RNF220: variants seen among roughly 807,000 people sequenced by gnomAD.
RNF220 encodes ring finger protein 220, also known as E3 ubiquitin-protein ligase RNF220.
In RNF220, 7 loss-of-function variants were observed where a neutral mutation model predicts 67.1. The observed-to-expected ratio is 0.10, with a 90% CI of 0.06 to 0.20. The LOEUF is 0.20. Among genes scored for constraint, RNF220 ranks in the 10% least tolerant of loss-of-function variants. The pLI, the probability that RNF220 is intolerant of heterozygous loss-of-function variation, is 1.00. For synonymous variants in RNF220, 270 were observed against 283.2 expected (o/e 0.95, Z 0.47); for missense variants, 565 against 740.3 (o/e 0.76, Z 2.75).
At position 44,632,400 on chromosome 1, in the gene RNF220, G is replaced by GCCCCAGCCCCC. The variant is rs772095904; in HGVS notation, c.949+19_949+20insAGCCCCCCCCC. 5 of 1,607,444 alleles carry GCCCCAGCCCCC rather than the reference G, an allele frequency of 3.1e-6. No individual in the cohort carries two copies. Among genetic ancestry groups the GCCCCAGCCCCC allele is most frequent in the East Asian group, 2.2e-5 (1 of 44,634 alleles). On this transcript the variant is annotated intron_variant, in intron 6 of 14. Coordinates refer to ENST00000361799, the MANE Select transcript of RNF220 (RefSeq NM_018150.4). ...CCGACTGAATGGTGAGTCCTGCCCG[G>GCCCCAGCCCCC]CCCCTCCCTCCGCCCCACCCCCGGC...
At chr1:44,522,126 G>A (rs1659988838) in intron 2 of RNF220, among the ~76,000 whole-genome samples, 1 of 152,010 alleles carries the variant, frequency 6.6e-6, no homozygotes, top group African/African-American at 2.4e-5. Flanking sequence ...TTCTTTCCTG[G>A]GTGCCACACT....
intron 2 of RNF220, among the ~76,000 whole-genome samples, chr1:44,459,361 C>T (rs911970583): frequency 2.0e-5 from 3 of 151,976 alleles, no homozygotes; most frequent in Non-Finnish European, 4.4e-5. Context: ...ACTGAGCCTA[C>T]ATCTCATGAT....
At chr1:44,413,174 T>C (rs2147808356) in intron 2 of RNF220, among the ~76,000 whole-genome samples, 1 of 152,338 alleles carries the variant, frequency 6.6e-6, no homozygotes, top group African/African-American at 2.4e-5. Flanking sequence ...TCCAGCAGAC[T>C]CCACGTGATT....
intron 1 of RNF220, among the ~76,000 whole-genome samples, chr1:44,406,138 G>A (rs1344624610): frequency 6.6e-6 from 1 of 152,204 alleles, no homozygotes; most frequent in Non-Finnish European, 1.5e-5. Flanking sequence ...CACACAGCCG[G>A]CTCCGCGGGA....
intron 2 of RNF220, among the ~76,000 whole-genome samples, chr1:44,588,808 G>C (rs1183604042): frequency 6.6e-6 from 1 of 152,158 alleles, no homozygotes; most frequent in East Asian, 1.9e-4. Context: ...CCTACCTGGG[G>C]TTCAGGTCAT....
At chr1:44,605,438 G>A (rs1200247216) in intron 2 of RNF220, among the ~76,000 whole-genome samples, 1 of 152,202 alleles carries the variant, frequency 6.6e-6, no homozygotes, top group Admixed American at 6.5e-5. Flanking sequence ...GATTTAGCGA[G>A]GTCAGTGATT....
At chr1:44,451,380 T>C (rs769568025) in intron 2 of RNF220, among the ~76,000 whole-genome samples, 6 of 152,162 alleles carry the variant, frequency 3.9e-5, no homozygotes, top group Non-Finnish European at 5.9e-5. Flanking sequence ...CTAATGAAAT[T>C]GAGCATGCTT....
At chr1:44,587,643 C>T (rs539963419) in intron 2 of RNF220, among the ~76,000 whole-genome samples, 3 of 152,272 alleles carry the variant, frequency 2.0e-5, no homozygotes, top group Non-Finnish European at 2.9e-5. Context: ...GTATTAGTTT[C>T]CCTGGCCAAC....
In RNF220 at chr1:44,519,078, G is replaced by T. The variant is rs140747623; in HGVS notation, c.626-95087G>T. Among the ~76,000 whole-genome samples the T allele has an allele frequency of 1.7e-3, 254 of 148,102 alleles. 2 individuals are homozygous for T. The highest frequency in any genetic ancestry group is 6.0e-3 in the African/African-American group (245 of 40,798). ...ATGGGCAGAGGCACCATTCACTGAG[G>T]TAGATGAGGGAGAGGAAGAGCAGAT... is the stretch of plus-strand genomic sequence containing the variant. On this transcript the variant is annotated intron_variant, in intron 2 of 14. Transcript: ENST00000361799.
At chr1:44,636,308 G>A in intron 8 of RNF220, 146 bp downstream of exon 8, 1 of 1,017,466 alleles carries the variant, frequency 9.8e-7, no homozygotes, top group Non-Finnish European at 1.5e-6. Context: ...GGGCTCCTTT[G>A]TGACCGTGCT....
At chr1:44,413,994 G>T (rs181240076) in intron 2 of RNF220, among the ~76,000 whole-genome samples, 2 of 152,164 alleles carry the variant, frequency 1.3e-5, no homozygotes, top group Non-Finnish European at 2.9e-5. Flanking sequence ...TAAATCCATC[G>T]CTCTTTGGTT....
intron 2 of RNF220, among the ~76,000 whole-genome samples, chr1:44,463,405 TTA>T (rs1166354178): frequency 6.6e-6 from 1 of 152,110 alleles, no homozygotes; most frequent in Admixed American, 6.5e-5. Context: ...TAATTTAAAA[TTA>T]TGTCATTGGA....
intron 2 of RNF220, among the ~76,000 whole-genome samples, chr1:44,607,974 A>G (rs1573027240): frequency 6.8e-6 from 1 of 147,724 alleles, no homozygotes; most frequent in African/African-American, 2.5e-5. Context: ...GCCAGGCTGG[A>G]GTGCAGTGGT....
intron 2 of RNF220, among the ~76,000 whole-genome samples, chr1:44,504,169 T>G (rs992486626): frequency 6.6e-6 from 1 of 152,176 alleles, no homozygotes; most frequent in African/African-American, 2.4e-5. Context: ...TTTAACAGGC[T>G]CTCAGATCAT....
At chr1:44,643,501 TG>T (rs1644545341) in intron 8 of RNF220, 1 of 152,224 alleles carries the variant, frequency 6.6e-6, no homozygotes, top group Non-Finnish European at 1.5e-5. Context: ...GAGCCATCAA[TG>T]GTTTTGGAGC....
At chr1:44,435,794 G>A (rs1422985160) in intron 2 of RNF220, among the ~76,000 whole-genome samples, 1 of 152,162 alleles carries the variant, frequency 6.6e-6, no homozygotes, top group East Asian at 1.9e-4. Context: ...TCCGGGCATG[G>A]TGGCATATGC....
At chr1:44,465,624 G>A (rs1411279016) in intron 2 of RNF220, among the ~76,000 whole-genome samples, 2 of 152,054 alleles carry the variant, frequency 1.3e-5, no homozygotes, top group Admixed American at 1.3e-4. Context: ...GGTTTTAATA[G>A]TGCACAAGTA....
At chr1:44,487,939 G>A (rs1425589612) in intron 2 of RNF220, among the ~76,000 whole-genome samples, 2 of 148,384 alleles carry the variant, frequency 1.3e-5, no homozygotes, top group African/African-American at 2.5e-5. Context: ...TTTAGTAATA[G>A]GAGTATCTTA....
At chr1:44,423,288 AAGAAAGAACTCC>A (rs1206554157) in intron 2 of RNF220, among the ~76,000 whole-genome samples, 14 of 152,182 alleles carry the variant, frequency 9.2e-5, no homozygotes, top group African/African-American at 3.4e-4. Flanking sequence ...CTGAGAGTGG[AAGAAAGAACTCC>A]AGAATTGCCA....
Sources: allele counts gnomAD v4.1 joint callset (sites outside exome capture counted in the v4.1 genomes callset), GRCh38; gene constraint gnomAD v4.1.1; transcripts MANE v1.5; gene names NCBI Gene and HGNC (gene_info 2026-07-23, HGNC 2026-07-21).